Variants in NELL2 observed in about 807,000 individuals in gnomAD.
NELL2 encodes the protein neural EGFL like 2, also known as protein kinase C-binding protein NELL2.
A neutral mutation model predicts 109.6 loss-of-function variants in NELL2; 41 were observed. The observed-to-expected ratio is 0.37, with a 90% CI of 0.29 to 0.49. The LOEUF (loss-of-function observed/expected upper bound fraction) is 0.49. Ranked by LOEUF, NELL2 falls within the 20% of genes least tolerant of loss-of-function variation. NELL2 has a pLI of 0.98. For synonymous variants in NELL2, 355 were observed against 344.7 expected (o/e 1.03, Z -0.33); for missense variants, 900 against 1,008.3 (o/e 0.89, Z 1.45).
At chr12:44,760,893 A>C (rs1216925279) in intron 9 of NELL2, among the ~76,000 whole-genome samples, 9 of 152,194 alleles carry the variant, frequency 5.9e-5, no homozygotes, top group Admixed American at 3.3e-4. Flanking sequence ...AAAAGAATCA[A>C]TTACGTGAAA....
intron 12 of NELL2, among the ~76,000 whole-genome samples, chr12:44,695,262 A>C (rs117230296): frequency 0.026 from 3,937 of 151,682 alleles, 81 homozygotes; most frequent in Admixed American, 0.042. Context: ...TTCTGGATGA[A>C]ATACAGAATC....
intron 10 of NELL2, among the ~76,000 whole-genome samples, chr12:44,713,937 A>C (rs889758816): frequency 2.0e-5 from 3 of 151,982 alleles, no homozygotes. Context: ...AAAATTAACT[A>C]TCAAATAAAA....
chr12:44,598,534 G>A (rs1945061450), intron 15 of NELL2, among the ~76,000 whole-genome samples: 1 of 152,054 alleles, frequency 6.6e-6, no homozygotes, highest in South Asian at 2.1e-4. Flanking sequence ...TCACTCTTAG[G>A]AGTCATTCAC....
chr12:44,648,152 G>C (rs1025344581), intron 13 of NELL2, among the ~76,000 whole-genome samples: 4 of 152,170 alleles, frequency 2.6e-5, no homozygotes, highest in African/African-American at 7.2e-5. Flanking sequence ...AATGACACGT[G>C]TTGGAAGCAC....
At chr12:44,911,385 A>G (rs927117140) in intron 1 of NELL2, among the ~76,000 whole-genome samples, 20 of 152,010 alleles carry the variant, frequency 1.3e-4, no homozygotes, top group Admixed American at 1.2e-3. Flanking sequence ...AATAACATAT[A>G]TTTCTCGGGG....
intron 12 of NELL2, among the ~76,000 whole-genome samples, chr12:44,683,602 C>G (rs2136377355): frequency 6.6e-6 from 1 of 152,106 alleles, no homozygotes. Context: ...CCATCAATAC[C>G]TAATTTATTG....
intron 16 of NELL2, among the ~76,000 whole-genome samples, chr12:44,529,431 C>G: frequency 6.6e-6 from 1 of 152,176 alleles, no homozygotes. Flanking sequence ...GTTGAGCTAC[C>G]TAGTAGGCCA....
intron 15 of NELL2, among the ~76,000 whole-genome samples, chr12:44,553,308 T>G (rs904304608): frequency 6.6e-6 from 1 of 151,530 alleles, no homozygotes; most frequent in African/African-American, 2.4e-5. Context: ...AATAAGTCTC[T>G]TCACCTCTAT....
At chr12:44,554,923 AC>A (rs1457522410) in intron 15 of NELL2, among the ~76,000 whole-genome samples, 1 of 152,244 alleles carries the variant, frequency 6.6e-6, no homozygotes, top group East Asian at 1.9e-4. Context: ...AGTTTAGTAC[AC>A]ATTAATAAAA....
At chr12:44,720,472 A>G (rs529147154) in intron 9 of NELL2, among the ~76,000 whole-genome samples, 1 of 152,310 alleles carries the variant, frequency 6.6e-6, no homozygotes, top group African/African-American at 2.4e-5. Context: ...CTGTAAAATG[A>G]CAGCTTACTT....
intron 16 of NELL2, among the ~76,000 whole-genome samples, chr12:44,531,097 G>A (rs1942032768): frequency 6.6e-6 from 1 of 152,102 alleles, no homozygotes; most frequent in African/African-American, 2.4e-5. Flanking sequence ...ACATCCAGAT[G>A]CACAGAAAAA....
chr12:44,632,751 C>A (rs1250151125), intron 13 of NELL2, among the ~76,000 whole-genome samples: 2 of 152,028 alleles, frequency 1.3e-5, no homozygotes, highest in Non-Finnish European at 2.9e-5. Flanking sequence ...TTTGTACATT[C>A]TTCTTTTATT....
intron 16 of NELL2, among the ~76,000 whole-genome samples, chr12:44,524,322 C>T (rs531923749): frequency 5.3e-5 from 8 of 152,172 alleles, no homozygotes; most frequent in Non-Finnish European, 1.2e-4. Context: ...TTTATTTACC[C>T]CCGTAATTTA....
At chr12:44,613,572 A>G (rs1945705247) in intron 13 of NELL2, among the ~76,000 whole-genome samples, 1 of 152,136 alleles carries the variant, frequency 6.6e-6, no homozygotes, top group Admixed American at 6.6e-5. Flanking sequence ...ATATTAGGAC[A>G]TCTTTTGAAA....
chr12:44,920,667 A>T (rs560749861), intron 1 of NELL2, among the ~76,000 whole-genome samples: 93 of 152,350 alleles, frequency 6.1e-4, no homozygotes, highest in African/African-American at 2.1e-3. Context: ...ATTAAATTTA[A>T]ATTCTTAGTG....
chr12:44,580,340 T>G lies in NELL2; in HGVS notation c.1663+26829A>C, dbSNP rs868216377. Among the ~76,000 whole-genome samples, 3 of 152,120 alleles carry G rather than the reference T, an allele frequency of 2.0e-5. No individual in the cohort carries two copies. The South Asian group carries it at 6.2e-4, about 32-fold the overall frequency. On this transcript the variant is annotated intron_variant, in intron 15 of 19. Coordinates refer to ENST00000429094, the MANE Select transcript of NELL2 (RefSeq NM_001145108.2). ...GAGAGTAAGGAGCAGCCCGCTACCCTCACTGCCTTGTCTCACAGATCTGTG... is the reference window on the plus strand; with the variant it reads ...GAGAGTAAGGAGCAGCCCGCTACCCGCACTGCCTTGTCTCACAGATCTGTG...
chr12:44,878,785 T>G (rs529732728), upstream of NELL2, among the ~76,000 whole-genome samples: 1 of 152,330 alleles, frequency 6.6e-6, no homozygotes, highest in South Asian at 2.1e-4. Flanking sequence ...TATATCTACA[T>G]ACACTCAAAC....
intron 15 of NELL2, among the ~76,000 whole-genome samples, chr12:44,541,248 C>T (rs1269987767): frequency 3.7e-4 from 14 of 37,566 alleles, no homozygotes; most frequent in Non-Finnish European, 7.0e-4. Flanking sequence ...GAGACTCCAT[C>T]TCAAAAAAAA....
At chr12:44,561,366 A>G (rs1943461450) in intron 15 of NELL2, among the ~76,000 whole-genome samples, 1 of 152,166 alleles carries the variant, frequency 6.6e-6, no homozygotes, top group Non-Finnish European at 1.5e-5. Flanking sequence ...GGGTATTCAA[A>G]TAGGAAGAGA....
Sources: allele counts gnomAD v4.1 joint callset (sites outside exome capture counted in the v4.1 genomes callset), GRCh38; gene constraint gnomAD v4.1.1; transcripts MANE v1.5; gene names NCBI Gene and HGNC (gene_info 2026-07-23, HGNC 2026-07-21).